TMEM74: variants seen among roughly 807,000 people sequenced by gnomAD.
TMEM74 encodes the protein transmembrane protein 74.
TMEM74 carries 13 observed loss-of-function variants against 18.1 expected under a neutral mutation model. The ratio of observed to expected loss-of-function variants is 0.72; its 90% confidence interval spans 0.47 to 1.14. The LOEUF is 1.14. TMEM74 is among the 50% of genes most tolerant of loss of function. The pLI is 0.00. For missense variants in TMEM74, 372 were observed against 375.9 expected, an observed-to-expected ratio of 0.99 and a Z score of 0.09; for synonymous variants, 159 against 146.6, an observed-to-expected ratio of 1.08 and a Z score of -0.61.
Position 108,779,345 on chromosome 8 carries a change from C to G in TMEM74, c.*4836G>C, listed in dbSNP as rs1023683342. On this transcript the variant is annotated 3_prime_UTR_variant, in exon 2 of 2. Coordinates refer to ENST00000297459, the MANE Select transcript of TMEM74 (RefSeq NM_153015.3). ...TTCTTATATGACATTTGTTTGGAGC[C>G]TGGCTAGGAAGCCTGAAGATGGCAG... is the stretch of plus-strand genomic sequence containing the variant. 1.3e-5 allele frequency among the ~76,000 whole-genome samples: 2 copies of G among 152,118 alleles called. No individual in the cohort carries two copies. Among genetic ancestry groups the G allele is most frequent in the African/African-American group, 4.8e-5 (2 of 41,420 alleles).
At chr8:108,739,517 AG>A (rs1813778997) in intron 1 of TMEM74, among the ~76,000 whole-genome samples, 1 of 152,170 alleles carries the variant, frequency 6.6e-6, no homozygotes, top group Non-Finnish European at 1.5e-5. Flanking sequence ...ATAAGCAAAG[AG>A]GGAAGAGTTG....
intron 1 of TMEM74, among the ~76,000 whole-genome samples, chr8:108,756,617 AG>A (rs1813968372): frequency 1.1e-5 from 1 of 91,084 alleles, no homozygotes; most frequent in African/African-American, 4.8e-5. Context: ...GAAGGAAGGA[AG>A]GAAGGAAGGA....
rs1284609072 is a variant in TMEM74, at chr8:108,701,836, G to T, written n.120-46399C>A. ...TCAAGATGTCTTTTCTCCCCAAATT[G>T]ATCTATAGATTCAATGCAATCTCCA... On this transcript the variant is annotated intron_variant and non_coding_transcript_variant, in intron 1 of 3. Transcript: ENST00000518838. Among the ~76,000 whole-genome samples, 6 of 152,174 alleles carry T rather than the reference G, an allele frequency of 3.9e-5. No homozygotes were observed. In the East Asian group the frequency reaches 7.7e-4, roughly 20 times the overall value.
chr8:108,652,625 A>T, intron 2 of TMEM74: 1 of 633,456 alleles, frequency 1.6e-6, no homozygotes, highest in Non-Finnish European at 3.0e-6. Context: ...GCAGTAAAGA[A>T]GGCAAAAGAA....
At position 108,680,172 on chromosome 8, in the gene TMEM74, T is replaced by C. The variant is rs531287357; in HGVS notation, n.120-24735A>G. 5.4e-3 allele frequency among the ~76,000 whole-genome samples: 813 copies of C among 151,606 alleles called. 5 individuals carry two copies. The highest frequency in any genetic ancestry group is 0.017 in the African/African-American group (711 of 41,444). On this transcript the variant is annotated intron_variant and non_coding_transcript_variant, in intron 1 of 3. Transcript: ENST00000518838. ...TCCTCCCTAACTCATTTTATGAGGC[T>C]AGCATCATCCTGATACCAAAGCCTG...
intron 1 of TMEM74, among the ~76,000 whole-genome samples, chr8:108,707,333 A>T (rs1813426733): frequency 1.3e-5 from 2 of 148,192 alleles, no homozygotes; most frequent in South Asian, 2.2e-4. Context: ...TTAAACTATA[A>T]AAAAAAAAAA....
At chr8:108,649,777 C>A (rs1445851248) in intron 2 of TMEM74, among the ~76,000 whole-genome samples, 1 of 152,138 alleles carries the variant, frequency 6.6e-6, no homozygotes, top group Non-Finnish European at 1.5e-5. Flanking sequence ...TACTTCTGCA[C>A]TGTTCAGTAG....
intron 1 of TMEM74, among the ~76,000 whole-genome samples, chr8:108,691,968 G>A (rs79773539): frequency 0.029 from 4,460 of 152,172 alleles, 119 homozygotes; most frequent in African/African-American, 0.066. Flanking sequence ...AGAGGGAGAG[G>A]AATATACGTT....
chr8:108,630,217 C>A (rs1812536958), intron 2 of TMEM74, among the ~76,000 whole-genome samples: 1 of 151,810 alleles, frequency 6.6e-6, no homozygotes, highest in Non-Finnish European at 1.5e-5. Context: ...TTTAAACCAA[C>A]AAAGATCAAA....
chr8:108,765,344 G>A (rs959365949), intron 1 of TMEM74, among the ~76,000 whole-genome samples: 14 of 151,786 alleles, frequency 9.2e-5, no homozygotes, highest in Non-Finnish European at 5.9e-5. Context: ...TTAAGGGATG[G>A]TGATGAGCTT....
intron 1 of TMEM74, among the ~76,000 whole-genome samples, chr8:108,726,835 A>G (rs1813643828): frequency 6.6e-6 from 1 of 152,070 alleles, no homozygotes; most frequent in Non-Finnish European, 1.5e-5. Flanking sequence ...CAAAAATATG[A>G]TAGGAAATGA....
rs535080990 is a variant in TMEM74, at chr8:108,724,753, T to C, written n.119+62723A>G. Among the ~76,000 whole-genome samples, 877 of 152,206 alleles carry C rather than the reference T, an allele frequency of 5.8e-3. 8 individuals carry two copies. The highest frequency in any genetic ancestry group is 0.02 in the African/African-American group (810 of 41,528). ...ACAGAGAGAAAGTGCACTTTCATGGTATATTTTGGGGTGCACTGGGCAGAC... is the reference window on the plus strand; with the variant it reads ...ACAGAGAGAAAGTGCACTTTCATGGCATATTTTGGGGTGCACTGGGCAGAC... On this transcript the variant is annotated intron_variant and non_coding_transcript_variant, in intron 1 of 3. Transcript: ENST00000518838.
intron 1 of TMEM74, among the ~76,000 whole-genome samples, chr8:108,665,881 T>C (rs894455839): frequency 2.0e-5 from 3 of 152,162 alleles, no homozygotes; most frequent in Non-Finnish European, 4.4e-5. Flanking sequence ...ACAAAACCAA[T>C]AATGCAAAAT....
intron 1 of TMEM74, among the ~76,000 whole-genome samples, chr8:108,669,560 T>G (rs1489006611): frequency 6.6e-6 from 1 of 152,206 alleles, no homozygotes; most frequent in Non-Finnish European, 1.5e-5. Context: ...CTGAGCAGAT[T>G]CTGATTAGAA....
chr8:108,616,530 T>C (rs1265473171), intron 2 of TMEM74, among the ~76,000 whole-genome samples: 1 of 152,174 alleles, frequency 6.6e-6, no homozygotes, highest in Non-Finnish European at 1.5e-5. Context: ...GCAATTCTGA[T>C]ATATAAAATA....
rs116054427 is a variant in TMEM74, at chr8:108,760,525, A to G, written n.119+26951T>C. Among the ~76,000 whole-genome samples the G allele has an allele frequency of 9.0e-3, 1,363 of 152,092 alleles. 18 individuals carry two copies. Among genetic ancestry groups the G allele is most frequent in the African/African-American group, 0.032 (1,313 of 41,492 alleles). Reference sequence around the variant, plus strand: ...TTGGCAGGAGTGTGAGAGGCAGCAAATGCTTGTGGCTTGTTCTTGCTCTGA... The same window carrying G: ...TTGGCAGGAGTGTGAGAGGCAGCAAGTGCTTGTGGCTTGTTCTTGCTCTGA... On this transcript the variant is annotated intron_variant and non_coding_transcript_variant, in intron 1 of 3. Coordinates refer to the TMEM74 transcript ENST00000518838.
rs564773322 is a variant in TMEM74, at chr8:108,673,461, G to T, written n.120-18024C>A. On this transcript the variant is annotated intron_variant and non_coding_transcript_variant, in intron 1 of 3. Coordinates refer to the TMEM74 transcript ENST00000518838. ...AATGAGGGGAATATTTTGAGCCCAG[G>T]CTCTAACTAGGAAGTGAATCTTCAG... Among the ~76,000 whole-genome samples, 5 of 152,280 alleles carry T rather than the reference G, an allele frequency of 3.3e-5. No homozygotes were observed. In the South Asian group the frequency reaches 1.0e-3, roughly 32 times the overall value.
chr8:108,778,142 GAACAA>G (rs1012543693), downstream of TMEM74, among the ~76,000 whole-genome samples: 1 of 152,110 alleles, frequency 6.6e-6, no homozygotes, highest in African/African-American at 2.4e-5. Context: ...TACTCTGCTT[GAACAA>G]AACAAAGACC....
At chr8:108,746,376 T>C (rs1813848437) in intron 1 of TMEM74, among the ~76,000 whole-genome samples, 1 of 152,098 alleles carries the variant, frequency 6.6e-6, no homozygotes. Context: ...TTATATCTTG[T>C]ATGTGCACCA....
Sources: allele counts gnomAD v4.1 joint callset (sites outside exome capture counted in the v4.1 genomes callset), GRCh38; gene constraint gnomAD v4.1.1; transcripts MANE v1.5; gene names NCBI Gene and HGNC (gene_info 2026-07-23, HGNC 2026-07-21).